The following MRTFB variants were observed in gnomAD, a reference collection of about 807,000 sequenced individuals.
MRTFB encodes the protein myocardin related transcription factor B, also known as myocardin-related transcription factor B.
In MRTFB, 29 loss-of-function variants were observed where a neutral mutation model predicts 104.2. The ratio of observed to expected loss-of-function variants is 0.28; its 90% CI spans 0.21 to 0.38. The LOEUF is 0.38. Ranked by LOEUF, MRTFB falls within the 10% of genes least tolerant of loss-of-function variation. The pLI, the probability that MRTFB is intolerant of heterozygous loss-of-function variation, is 1.00. For synonymous variants in MRTFB, 535 were observed against 519.5 expected (o/e 1.03, Z -0.41); for missense variants, 1,270 against 1,341.6 (o/e 0.95, Z 0.83).
chr16:14,193,028 C>G (rs534447757), intron 3 of MRTFB, among the ~76,000 whole-genome samples: 3 of 152,092 alleles, frequency 2.0e-5, no homozygotes, highest in African/African-American at 7.2e-5. Flanking sequence ...TCCAGGTCCC[C>G]TTTACTCAGA....
the MRTFB span, among the ~76,000 whole-genome samples, chr16:14,051,826 A>G: frequency 7.9e-5 from 12 of 152,002 alleles, no homozygotes; most frequent in Non-Finnish European, 1.5e-5. Flanking sequence ...TTCCTTTCCA[A>G]TCTTCTTTTA....
chr16:14,021,378 C>T, the MRTFB span, among the ~76,000 whole-genome samples: 2 of 152,186 alleles, frequency 1.3e-5, no homozygotes, highest in Non-Finnish European at 2.9e-5. Flanking sequence ...CCTACAGCAG[C>T]AGGACAAATC....
chr16:14,124,271 G>A (rs1166622602), intron 2 of MRTFB, among the ~76,000 whole-genome samples: 1 of 152,154 alleles, frequency 6.6e-6, no homozygotes, highest in African/African-American at 2.4e-5. Context: ...TCTCTTGCCT[G>A]ATTGCTCTGG....
At chr16:14,242,588 T>C (rs1436811756) in intron 10 of MRTFB, among the ~76,000 whole-genome samples, 1 of 152,080 alleles carries the variant, frequency 6.6e-6, no homozygotes, top group East Asian at 1.9e-4. Context: ...ATGTAGCCCT[T>C]TGCCACCACA....
intron 1 of MRTFB, among the ~76,000 whole-genome samples, chr16:14,074,727 A>C (rs1168973898): frequency 6.6e-6 from 1 of 152,204 alleles, no homozygotes; most frequent in Non-Finnish European, 1.5e-5. Context: ...TTAACACCAA[A>C]AACTTGATTC....
chr16:14,164,230 C>G lies in MRTFB; in HGVS notation c.154+23470C>G, dbSNP rs149256665. 1.1e-3 allele frequency among the ~76,000 whole-genome samples: 168 copies of G among 152,328 alleles called. 2 individuals are homozygous for G. The East Asian group carries it at 0.026, about 24-fold the overall frequency. On this transcript the variant is annotated intron_variant, in intron 3 of 16. Coordinates refer to ENST00000571589, the MANE Select transcript of MRTFB (RefSeq NM_001308142.2). ...ACCCGCCCCACACTGCCACACCCTT[C>G]TCAGCCGCAGAACTATCATTCCGTT... is the stretch of plus-strand genomic sequence containing the variant.
chr16:14,116,813 G>A (rs528476947), intron 2 of MRTFB, among the ~76,000 whole-genome samples: 79 of 152,184 alleles, frequency 5.2e-4, no homozygotes, highest in African/African-American at 1.9e-3. Context: ...CCTCAGGGGT[G>A]GGGAGGCACA....
chr16:14,136,048 A>G (rs1045563953), intron 2 of MRTFB, among the ~76,000 whole-genome samples: 2 of 152,178 alleles, frequency 1.3e-5, no homozygotes, highest in African/African-American at 4.8e-5. Flanking sequence ...AAGCGGGTGG[A>G]TCACTTGAGG....
chr16:14,049,914 G>T, the MRTFB span, among the ~76,000 whole-genome samples: 2 of 152,168 alleles, frequency 1.3e-5, no homozygotes, highest in African/African-American at 4.8e-5. Flanking sequence ...TGTGTTTTTA[G>T]TAGAGACGGG....
At chr16:14,236,419 T>G (rs969564685) in intron 9 of MRTFB, among the ~76,000 whole-genome samples, 6 of 152,206 alleles carry the variant, frequency 3.9e-5, no homozygotes, top group African/African-American at 1.4e-4. Context: ...GGCACTGTTC[T>G]GGGTACTAGG....
intron 3 of MRTFB, among the ~76,000 whole-genome samples, chr16:14,160,888 C>A (rs946717604): frequency 6.6e-6 from 1 of 151,902 alleles, no homozygotes; most frequent in African/African-American, 2.4e-5. Flanking sequence ...ACTTTCCTAC[C>A]TTCTGGCACA....
the MRTFB span, among the ~76,000 whole-genome samples, chr16:14,022,746 C>CTTTTTT: frequency 3.7e-3 from 328 of 88,612 alleles, 3 homozygotes; most frequent in African/African-American, 0.013. Flanking sequence ...TAATACTGTT[C>CTTTTTT]TTTTTTTTTT....
chr16:14,084,988 A>G (rs1191722066), intron 2 of MRTFB, among the ~76,000 whole-genome samples: 1 of 152,318 alleles, frequency 6.6e-6, no homozygotes, highest in East Asian at 1.9e-4. Flanking sequence ...AAATATTTAA[A>G]ATTAAAATAA....
chr16:14,146,964 A>G (rs143111504), intron 3 of MRTFB, among the ~76,000 whole-genome samples: 157 of 152,356 alleles, frequency 1.0e-3, no homozygotes, highest in African/African-American at 3.6e-3. Flanking sequence ...TAGATGCTCA[A>G]TAGCCAAGAC....
intron 3 of MRTFB, among the ~76,000 whole-genome samples, chr16:14,193,031 T>G (rs13332750): frequency 0.089 from 13,527 of 151,888 alleles, 1,243 homozygotes; most frequent in African/African-American, 0.23. Context: ...AGGTCCCCTT[T>G]ACTCAGATCA....
chr16:14,118,748 T>G (rs575578159), intron 2 of MRTFB, among the ~76,000 whole-genome samples: 1 of 151,652 alleles, frequency 6.6e-6, no homozygotes, highest in East Asian at 1.9e-4. Flanking sequence ...CACATATATA[T>G]ACACACACAC....
At position 14,265,943 on chromosome 16, in the gene MRTFB, C is replaced by A. The variant is rs1242409368; in HGVS notation, c.*4499C>A. 1.3e-5 allele frequency: 2 copies of A among 152,158 alleles called. No individual in the cohort carries two copies. The highest frequency in any genetic ancestry group is 2.4e-5 in the African/African-American group (1 of 41,422). The allele number at this position is 152,158 out of a possible 1,614,324, so 9.4% of individuals were successfully genotyped here. On this transcript the variant is annotated 3_prime_UTR_variant, in exon 17 of 17. Transcript: ENST00000571589. ...ACAAAGTTTATAGAATACTGAAACTCGTAACAATTACCTCTCTACGTGATG... is the reference window on the plus strand; with the variant it reads ...ACAAAGTTTATAGAATACTGAAACTAGTAACAATTACCTCTCTACGTGATG...
At chr16:14,005,626 G>C in the MRTFB span, among the ~76,000 whole-genome samples, 1 of 152,178 alleles carries the variant, frequency 6.6e-6, no homozygotes, top group Non-Finnish European at 1.5e-5. Flanking sequence ...GGTTGCAAAG[G>C]CCGTACTATT....
At chr16:14,239,033 A>C (rs1275432671) in intron 9 of MRTFB, among the ~76,000 whole-genome samples, 1 of 152,132 alleles carries the variant, frequency 6.6e-6, no homozygotes, top group African/African-American at 2.4e-5. Context: ...CAATTGGGAG[A>C]AACAGCACAC....
Sources: allele counts gnomAD v4.1 joint callset (sites outside exome capture counted in the v4.1 genomes callset), GRCh38; gene constraint gnomAD v4.1.1; transcripts MANE v1.5; gene names NCBI Gene and HGNC (gene_info 2026-07-23, HGNC 2026-07-21).